CDC42BPA: variants seen among roughly 807,000 people sequenced by gnomAD.
CDC42BPA encodes the protein CDC42 binding protein kinase alpha, also known as serine/threonine-protein kinase MRCK alpha.
Under a neutral mutation model 223.5 loss-of-function variants are expected in CDC42BPA, and 80 were observed. That is an observed-to-expected ratio of 0.36 (90% CI 0.30 to 0.43). The LOEUF (loss-of-function observed/expected upper bound fraction) is 0.43, where lower values mean the gene tolerates loss of function less well. CDC42BPA is among the 20% of genes least tolerant of loss of function. The pLI is 1.00. For missense variants in CDC42BPA, 1,743 were observed against 2,099.9 expected, an observed-to-expected ratio of 0.83 and a Z score of 3.32; for synonymous variants, 694 against 718.6, an observed-to-expected ratio of 0.97 and a Z score of 0.55.
chr1:227,316,921 A>G, intron 1 of CDC42BPA, 84 bp downstream of exon 1: 1 of 976,322 alleles, frequency 1.0e-6, no homozygotes, highest in Non-Finnish European at 1.6e-6. Flanking sequence ...TGAACGGAGT[A>G]GAGTTTACTC....
chr1:227,099,513 G>A (rs1684613482), intron 15 of CDC42BPA, among the ~76,000 whole-genome samples: 2 of 152,020 alleles, frequency 1.3e-5, no homozygotes, highest in African/African-American at 4.8e-5. Context: ...GTTAAGCAAT[G>A]CATGACTGTA....
rs191007561 is a variant in CDC42BPA, at chr1:227,270,030, A to C, written c.179-15875T>G. On this transcript the variant is annotated intron_variant, in intron 1 of 36. Coordinates refer to ENST00000366766, the MANE Select transcript of CDC42BPA (RefSeq NM_001394014.1). ...ATGAAAAACTGGAAACTACCTAGGA[A>C]ATACCGAAATGGTATATAAATTACG... Among the ~76,000 whole-genome samples, 25 of 152,330 alleles carry C rather than the reference A, an allele frequency of 1.6e-4. No homozygotes were observed. The East Asian group carries it at 4.8e-3, about 29-fold the overall frequency.
chr1:227,227,068 A>C (rs1472542302), intron 2 of CDC42BPA, among the ~76,000 whole-genome samples: 1 of 152,156 alleles, frequency 6.6e-6, no homozygotes, highest in Non-Finnish European at 1.5e-5. Context: ...TAGAAGACAC[A>C]ATTGCATAAC....
chr1:227,209,515 T>C (rs1673480631), intron 3 of CDC42BPA, among the ~76,000 whole-genome samples: 1 of 139,044 alleles, frequency 7.2e-6, no homozygotes, highest in Non-Finnish European at 1.5e-5. Flanking sequence ...GCTCTTATTA[T>C]TTTGAAATAC....
intron 6 of CDC42BPA, among the ~76,000 whole-genome samples, chr1:227,154,172 C>T (rs1349781276): frequency 1.3e-5 from 2 of 151,886 alleles, no homozygotes. Context: ...GAAAAACAAC[C>T]TAACATCATC....
At chr1:227,224,913 A>G (rs1236621142) in intron 2 of CDC42BPA, among the ~76,000 whole-genome samples, 1 of 152,222 alleles carries the variant, frequency 6.6e-6, no homozygotes, top group Non-Finnish European at 1.5e-5. Context: ...ACAAATACAT[A>G]TTGAGCACCT....
chr1:227,104,812 C>T (rs1249300712), intron 14 of CDC42BPA, among the ~76,000 whole-genome samples: 1 of 152,054 alleles, frequency 6.6e-6, no homozygotes, highest in African/African-American at 2.4e-5. Context: ...CCAAGCAATA[C>T]CAAAGACTGT....
At chr1:227,036,054 G>T (rs1670156759) in intron 24 of CDC42BPA, among the ~76,000 whole-genome samples, 1 of 152,116 alleles carries the variant, frequency 6.6e-6, no homozygotes, top group African/African-American at 2.4e-5. Flanking sequence ...CCTTGAAAAT[G>T]GAGTTTTTCA....
chr1:227,022,541 T>G (rs183650671), intron 32 of CDC42BPA, among the ~76,000 whole-genome samples: 22 of 152,322 alleles, frequency 1.4e-4, no homozygotes, highest in Admixed American at 1.3e-3. Flanking sequence ...ATATAGAAAT[T>G]TGCTGCTATG....
chr1:227,285,386 G>A (rs1023991075), intron 1 of CDC42BPA, among the ~76,000 whole-genome samples: 3 of 152,162 alleles, frequency 2.0e-5, no homozygotes, highest in African/African-American at 7.2e-5. Flanking sequence ...CTTCTTCTGA[G>A]GACTTTACAT....
chr1:227,262,773 G>C (rs1409077341), intron 1 of CDC42BPA, among the ~76,000 whole-genome samples: 1 of 152,110 alleles, frequency 6.6e-6, no homozygotes, highest in Non-Finnish European at 1.5e-5. Context: ...TTAAGATACG[G>C]TGTTCTAATT....
chr1:227,172,699 AC>A, intron 5 of CDC42BPA, among the ~76,000 whole-genome samples: 1 of 151,970 alleles, frequency 6.6e-6, no homozygotes, highest in East Asian at 1.9e-4. Context: ...GGTACATGGG[AC>A]CTTTCTGTAC....
At chr1:227,066,310 A>T (rs1301231211) in intron 21 of CDC42BPA, among the ~76,000 whole-genome samples, 2 of 151,966 alleles carry the variant, frequency 1.3e-5, no homozygotes, top group South Asian at 4.2e-4. Context: ...GAATCGCTTG[A>T]ACCTGGGACG....
intron 1 of CDC42BPA, among the ~76,000 whole-genome samples, chr1:227,270,233 A>T (rs1266005171): frequency 1.3e-5 from 2 of 152,206 alleles, no homozygotes; most frequent in Non-Finnish European, 2.9e-5. Context: ...ATTAATGAAA[A>T]AGTTGTACAC....
At chr1:227,043,356 C>T (rs1039340037) in intron 23 of CDC42BPA, among the ~76,000 whole-genome samples, 4 of 148,830 alleles carry the variant, frequency 2.7e-5, no homozygotes, top group African/African-American at 5.0e-5. Context: ...GAGGCTGCAG[C>T]GAGCTGAGAT....
chr1:227,285,791 T>C (rs1688711833), intron 1 of CDC42BPA, among the ~76,000 whole-genome samples: 1 of 152,230 alleles, frequency 6.6e-6, no homozygotes, highest in South Asian at 2.1e-4. Context: ...ATTCAAATTA[T>C]GTCAGCAAAC....
chr1:227,082,829 T>C (rs992512223), intron 16 of CDC42BPA, among the ~76,000 whole-genome samples: 5 of 151,992 alleles, frequency 3.3e-5, no homozygotes, highest in African/African-American at 1.2e-4. Context: ...ACACTGTAAG[T>C]TGGCAGTTAT....
At chr1:227,048,314 A>C (rs1237647613) in intron 22 of CDC42BPA, among the ~76,000 whole-genome samples, 11 of 152,170 alleles carry the variant, frequency 7.2e-5, no homozygotes, top group African/African-American at 2.4e-4. Flanking sequence ...TGTGGCCTAC[A>C]TAAATATGAG....
At chr1:227,239,792 T>C (rs10916108) in intron 2 of CDC42BPA, among the ~76,000 whole-genome samples, 30,277 of 152,044 alleles carry the variant, frequency 0.2, 3,127 homozygotes, top group East Asian at 0.26. Flanking sequence ...TACCAAAATA[T>C]TGCCTAACAA....
Sources: gnomAD v4.1 joint callset for allele counts (sites outside exome capture counted in the v4.1 genomes callset) on GRCh38, gnomAD v4.1.1 for gene constraint, MANE v1.5 for transcripts, NCBI Gene and HGNC (gene_info 2026-07-23, HGNC 2026-07-21) for gene names.